ANXA8L1: variants seen among roughly 807,000 people sequenced by gnomAD.
ANXA8L1 encodes annexin A8-like protein 1.
A neutral mutation model predicts 22.5 loss-of-function variants in ANXA8L1; 10 were observed. The observed-to-expected ratio is 0.44, with a 90% CI of 0.27 to 0.75. The LOEUF (loss-of-function observed/expected upper bound fraction) is 0.75. Among genes scored for constraint, ANXA8L1 ranks in the 30% least tolerant of loss-of-function variants. ANXA8L1 has a pLI of 0.15. For missense variants in ANXA8L1, 88 were observed against 219.6 expected (o/e 0.40, Z 3.79); for synonymous variants, 36 against 86.0 (o/e 0.42, Z 3.22).
chr10:46,381,778 C>T, intron 3 of ANXA8L1: 1 of 26,714 alleles, frequency 3.7e-5, no homozygotes, highest in South Asian at 5.4e-4. Context: ...ACCTGCACTC[C>T]ACCCCTAGGA....
chr10:46,381,424 GT>G, intron 3 of ANXA8L1, 184 bp downstream of exon 3: 1 of 549,668 alleles, frequency 1.8e-6, no homozygotes, highest in Non-Finnish European at 3.1e-6. Flanking sequence ...TGGCTGCCCT[GT>G]GTTTTATCTG....
intron 4 of ANXA8L1, 79 bp from the exon 5 acceptor site, chr10:46,383,377 G>A (rs1480302225): frequency 8.2e-6 from 5 of 612,222 alleles, no homozygotes; most frequent in African/African-American, 7.9e-5. Flanking sequence ...TGAGGCTCAG[G>A]CATCTTGAGA....
intron 11 of ANXA8L1, among the ~76,000 whole-genome samples, chr10:46,390,205 C>G (rs192974505): frequency 3.5e-4 from 53 of 151,008 alleles, no homozygotes; most frequent in Admixed American, 9.9e-4. Flanking sequence ...ATCTAAGAAA[C>G]AGGGCTCCTC....
chr10:46,383,435 G>A (rs1263651733), intron 4 of ANXA8L1, 21 bp from the exon 5 acceptor site: 2 of 633,012 alleles, frequency 3.2e-6, no homozygotes, highest in Non-Finnish European at 5.1e-6. Context: ...CACTCCAGCA[G>A]GCAGAGGTTT....
chr10:46,382,470 G>A, intron 3 of ANXA8L1, 109 bp from the exon 4 acceptor site: 1 of 797,968 alleles, frequency 1.3e-6, no homozygotes, highest in East Asian at 2.5e-5. Context: ...ACGTGGCAAG[G>A]CCCATGCAGA....
chr10:46,385,584 C>T (rs1840027317), intron 8 of ANXA8L1, 111 bp downstream of exon 8: 1 of 465,684 alleles, frequency 2.1e-6, no homozygotes, highest in African/African-American at 3.6e-5. Context: ...AGCCAGGGAG[C>T]CCAGGACTGT....
intron 1 of ANXA8L1, among the ~76,000 whole-genome samples, chr10:46,378,837 A>T (rs1352837164): frequency 1.8e-5 from 2 of 108,266 alleles, no homozygotes; most frequent in Admixed American, 1.1e-4. Flanking sequence ...TATACCATCC[A>T]TTGGAATCTC....
chr10:46,384,766 G>T lies in ANXA8L1; in HGVS notation c.493-8G>T. 1 of 1,613,192 alleles carries T rather than the reference G, an allele frequency of 6.2e-7. No homozygotes were observed. The highest frequency in any genetic ancestry group is 1.7e-4 in the Middle Eastern group (1 of 6,050). On this transcript the variant is annotated splice_region_variant and splice_polypyrimidine_tract_variant and intron_variant, in intron 6 of 11. Coordinates refer to ENST00000619162, the MANE Select transcript of ANXA8L1 (RefSeq NM_001098845.3). ...CCTGCCTTACAGAGCCACCTCCTCT[G>T]TTCCTAGGGCAGCAGGGATGATGTG...
Position 46,384,702 on chromosome 10 carries a change from C to G in ANXA8L1, c.493-72C>G. On this transcript the variant is annotated intron_variant, in intron 6 of 11. Transcript: ENST00000619162. ...CAGAGCCATGCCTACCCTCCAAGCC[C>G]AGGATCCCCCCTGTGCCCTTAATGC... 3 of 1,611,626 alleles carry G rather than the reference C, an allele frequency of 1.9e-6. No homozygotes were observed. The South Asian group carries it at 3.3e-5, about 18-fold the overall frequency.
At position 46,383,508 on chromosome 10, in the gene ANXA8L1, A is replaced by C. The variant is rs1840001155; in HGVS notation, c.374A>C (p.Lys125Thr). 1.1e-6 allele frequency: 1 copy of C among 947,892 alleles called. No homozygotes were observed. Among genetic ancestry groups the C allele is most frequent in the Non-Finnish European group, 1.5e-6 (1 of 656,634 alleles). 58.7% of individuals were successfully genotyped at this position (947,892 alleles called of 1,614,324 possible). ...VIIEILASRT[K>T]NQLREIMKAY... ...ATTGAGATCCTGGCCTCTCGGACCA[A>C]GAACCAGCTGCGGGAGATAATGAAG... is the stretch of plus-strand genomic sequence containing the variant. Residue 125 changes from lysine to threonine, a missense_variant, in exon 5 of 12, where the codon AAG becomes ACG. By Grantham distance (78) the Lys-to-Thr change is moderately conservative. Coordinates refer to ENST00000619162, the MANE Select transcript of ANXA8L1 (RefSeq NM_001098845.3).
intron 4 of ANXA8L1, among the ~76,000 whole-genome samples, chr10:46,383,137 C>G (rs1839996324): frequency 1.1e-5 from 1 of 88,938 alleles, no homozygotes; most frequent in Non-Finnish European, 2.2e-5. Flanking sequence ...CCCACGCTCC[C>G]TAATCTATCT....
chr10:46,384,762 C>T lies in ANXA8L1; in HGVS notation c.493-12C>T. The T allele has an allele frequency of 4.3e-6, 7 of 1,613,244 alleles. No individual in the cohort carries two copies. The highest frequency in any genetic ancestry group is 5.9e-6 in the Non-Finnish European group (7 of 1,179,842). On this transcript the variant is annotated splice_polypyrimidine_tract_variant and intron_variant, in intron 6 of 11. Coordinates refer to ENST00000619162, the MANE Select transcript of ANXA8L1 (RefSeq NM_001098845.3). The stretch of plus-strand genomic sequence containing the variant: ...CTGGCCTGCCTTACAGAGCCACCTC[C>T]TCTGTTCCTAGGGCAGCAGGGATGA...
At chr10:46,384,656 G>A in intron 6 of ANXA8L1, 118 bp from the exon 7 acceptor site, 1 of 1,582,620 alleles carries the variant, frequency 6.3e-7, no homozygotes, top group South Asian at 1.1e-5. Flanking sequence ...GCTTGTCGAA[G>A]TTTCCACAGC....
At position 46,383,533 on chromosome 10, in the gene ANXA8L1, G is replaced by A; in HGVS notation, c.399G>A (p.Lys133=). ...AGAACCAGCTGCGGGAGATAATGAA[G>A]GCGTATGAGGAAGGTAAGGGGTGGC... ...RTKNQLREIM[K]AYEEDYGSSL... is the part of the protein sequence containing the mutation. Residue 133 remains lysine, a synonymous_variant, in exon 5 of 12, where the codon AAG becomes AAA. Coordinates refer to ENST00000619162, the MANE Select transcript of ANXA8L1 (RefSeq NM_001098845.3). The A allele has an allele frequency of 2.4e-6, 2 of 847,978 alleles. No homozygotes were observed. The highest frequency in any genetic ancestry group is 3.5e-6 in the Non-Finnish European group (2 of 573,902). The allele number at this position is 847,978 out of a possible 1,614,324, so 52.5% of individuals were successfully genotyped here.
At chr10:46,389,394 A>G (rs1239234694) in intron 11 of ANXA8L1, among the ~76,000 whole-genome samples, 2 of 132,566 alleles carry the variant, frequency 1.5e-5, no homozygotes, top group African/African-American at 3.0e-5. Flanking sequence ...GCTGATTGTC[A>G]TTAACCCTTT....
chr10:46,384,653 G>C (rs1293528840), intron 6 of ANXA8L1, 121 bp from the exon 7 acceptor site: 1 of 1,569,054 alleles, frequency 6.4e-7, no homozygotes, highest in Non-Finnish European at 8.7e-7. Context: ...CTGGCTTGTC[G>C]AAGTTTCCAC....
At position 46,382,656 on chromosome 10, in the gene ANXA8L1, C is replaced by T; in HGVS notation, c.285C>T (p.Tyr95=). 4 of 1,291,508 alleles carry T rather than the reference C, an allele frequency of 3.1e-6. 1 individual carries two copies. Among genetic ancestry groups the T allele is most frequent in the Middle Eastern group, 2.7e-4 (1 of 3,736 alleles). The allele number at this position is 1,291,508 out of a possible 1,614,324, so 80.0% of individuals were successfully genotyped here. Residue 95 remains tyrosine, a synonymous_variant, in exon 4 of 12, where the codon TAC becomes TAT. Coordinates refer to ENST00000619162, the MANE Select transcript of ANXA8L1 (RefSeq NM_001098845.3). Reference sequence around the variant, plus strand: ...TTGTGGCCCTTATGTATCCGCCATACAGATACGAAGCCAAGGAGCTGCATG... The same window carrying T: ...TTGTGGCCCTTATGTATCCGCCATATAGATACGAAGCCAAGGAGCTGCATG... ...RLIVALMYPP[Y]RYEAKELHDA...
At chr10:46,389,409 C>T (rs1325196955) in intron 11 of ANXA8L1, among the ~76,000 whole-genome samples, 1 of 138,896 alleles carries the variant, frequency 7.2e-6, no homozygotes, top group African/African-American at 2.8e-5. Context: ...CCCTTTTAAC[C>T]ACACATGGTA....
At chr10:46,377,750 C>T (rs1839946143) in intron 1 of ANXA8L1, among the ~76,000 whole-genome samples, 1 of 115,804 alleles carries the variant, frequency 8.6e-6, no homozygotes, top group African/African-American at 3.7e-5. Flanking sequence ...GCCTTTTCCT[C>T]TGTGTCTCTC....
Sources: gnomAD v4.1 joint callset for allele counts (sites outside exome capture counted in the v4.1 genomes callset) on GRCh38, gnomAD v4.1.1 for gene constraint, MANE v1.5 for transcripts, NCBI Gene and HGNC (gene_info 2026-07-23, HGNC 2026-07-21) for gene names.